Variants in CDHR2 observed in about 807,000 individuals in gnomAD.
The protein encoded by CDHR2 is cadherin related family member 2.
Under a neutral mutation model 138.6 loss-of-function variants are expected in CDHR2, and 104 were observed. That is an observed-to-expected ratio of 0.75 (90% confidence interval 0.64 to 0.88). CDHR2 has a LOEUF of 0.88. Among genes scored for constraint, CDHR2 ranks in the 40% least tolerant of loss-of-function variants. The pLI is 0.00. For missense variants in CDHR2, 1,624 were observed against 1,727.6 expected, an observed-to-expected ratio of 0.94 and a Z score of 1.06; for synonymous variants, 755 against 742.8, an observed-to-expected ratio of 1.02 and a Z score of -0.27.
intron 15 of CDHR2, 115 bp downstream of exon 15, chr5:176,578,210 C>T: frequency 8.1e-7 from 1 of 1,239,154 alleles, no homozygotes; most frequent in African/African-American, 1.5e-5. Flanking sequence ...AGTTACATTT[C>T]AATTTCAGAT....
At chr5:176,581,293 G>C in intron 16 of CDHR2, 50 bp from the exon 17 acceptor site, 3 of 1,602,830 alleles carry the variant, frequency 1.9e-6, no homozygotes, top group South Asian at 1.1e-5. Flanking sequence ...GGAGGGGCTG[G>C]GGGCTGGGAA....
chr5:176,590,677 G>A lies in CDHR2; in HGVS notation c.3529G>A (p.Val1177Met). 6.2e-7 allele frequency: 1 copy of A among 1,613,406 alleles called. No individual in the cohort carries two copies. The highest frequency in any genetic ancestry group is 8.5e-7 in the Non-Finnish European group (1 of 1,180,016). ...LVIMTMAFVC[V>M]RKSYNRKLQA... ...GATCATGACCATGGCCTTCGTGTGT[G>A]TGCGGAAGAGGTGCGGCTCCCATTG... Residue 1177 changes from valine to methionine, a missense_variant, in exon 28 of 32, where the codon GTG becomes ATG. Coordinates refer to ENST00000261944, the MANE Select transcript of CDHR2 (RefSeq NM_017675.6).
chr5:176,551,671 G>A (rs1757707152), intron 1 of CDHR2, among the ~76,000 whole-genome samples: 1 of 148,440 alleles, frequency 6.7e-6, no homozygotes, highest in South Asian at 2.1e-4. Context: ...GTATTGGCCT[G>A]GACTGCCACC....
Position 176,567,951 on chromosome 5 carries a change from A to G in CDHR2, c.125-727A>G, listed in dbSNP as rs146263831. 5.3e-3 allele frequency among the ~76,000 whole-genome samples: 811 copies of G among 152,264 alleles called. 12 individuals carry two copies. Among genetic ancestry groups the G allele is most frequent in the African/African-American group, 0.019 (781 of 41,536 alleles). The stretch of plus-strand genomic sequence containing the variant: ...GCCTTCTGCTTTTAAAAGAAATGCA[A>G]CTTTCTTGTGGGCCACGAAAGTATC... On this transcript the variant is annotated intron_variant, in intron 3 of 31. Coordinates refer to ENST00000261944, the MANE Select transcript of CDHR2 (RefSeq NM_017675.6).
upstream of CDHR2, among the ~76,000 whole-genome samples, chr5:176,546,119 G>C (rs1361977918): frequency 6.6e-6 from 1 of 152,196 alleles, no homozygotes; most frequent in Non-Finnish European, 1.5e-5. Flanking sequence ...CTTGGGTGGG[G>C]TCACCTGCCT....
In CDHR2 at chr5:176,577,491, T is replaced by G; in HGVS notation, c.1287T>G (p.Val429=). 1 of 1,612,066 alleles carries G rather than the reference T, an allele frequency of 6.2e-7. No individual in the cohort carries two copies. Among genetic ancestry groups the G allele is most frequent in the Non-Finnish European group, 8.5e-7 (1 of 1,179,404 alleles). The change falls in exon 13 of 32, where the codon GTT becomes GTG. Residue 429 remains valine, a synonymous_variant. Transcript: ENST00000261944. ...SPERAVGSAS[V]QVLVRVSALV... is the part of the protein sequence containing the mutation. ...AGCGGGCAGTGGGCTCAGCCTCCGT[T>G]CAGGTGCTGGTGAGAGTATCCGCGC...
At position 176,576,225 on chromosome 5, in the gene CDHR2, G is replaced by T. The variant is rs772175405; in HGVS notation, c.1194+40G>T. On this transcript the variant is annotated intron_variant, in intron 12 of 31. Transcript: ENST00000261944. The surrounding 1 kb of genome is among the most constrained non-coding windows in gnomAD (Gnocchi z 4.5). ...GTGGGTGTGGGCGGGGGTGGCTGGG[G>T]GAGGCCAGTGGGAGCCTGGATCGAG... 1 of 1,468,120 alleles carries T rather than the reference G, an allele frequency of 6.8e-7. No individual in the cohort carries two copies. 90.9% of individuals were successfully genotyped at this position (1,468,120 alleles called of 1,614,324 possible). A position where few individuals can be genotyped will look rare whatever the true frequency, so the allele number is the denominator to read the frequency against.
chr5:176,569,795 A>G (rs1758181232), intron 5 of CDHR2, among the ~76,000 whole-genome samples: 6 of 151,984 alleles, frequency 3.9e-5, no homozygotes. Context: ...CCCCATCTCT[A>G]CTAAAAATAC....
Position 176,589,119 on chromosome 5 carries a change from C to G in CDHR2, c.2945C>G (p.Pro982Arg). 6.2e-7 allele frequency: 1 copy of G among 1,614,160 alleles called. No homozygotes were observed. Among genetic ancestry groups the G allele is most frequent in the Non-Finnish European group, 8.5e-7 (1 of 1,180,018 alleles). The change falls in exon 22 of 32, where the codon CCT becomes CGT. Residue 982 changes from proline (P) to arginine (R), a missense_variant. Pro to Arg is a moderately radical substitution (Grantham distance 103). Coordinates refer to ENST00000261944, the MANE Select transcript of CDHR2 (RefSeq NM_017675.6). ...DFISKDGATI[P>R]FQGVFSIFTS... ...ATCTCTAAGGACGGGGCCACCATCC[C>G]TTTCCAGGGTGTCTTCTCGATCTTC...
exon 1 of CDHR2, chr5:176,542,710 G>A (rs1757478654): frequency 6.6e-6 from 1 of 152,252 alleles, no homozygotes; most frequent in Non-Finnish European, 1.5e-5. Context: ...GAAGCTGTGT[G>A]ACCTTGGGCA....
rs750815475 is a variant in CDHR2 at position 176,565,711 on chromosome 5, C to T, written c.92C>T (p.Thr31Met). 7.4e-6 allele frequency: 12 copies of T among 1,613,980 alleles called. No homozygotes were observed. Among genetic ancestry groups the T allele is most frequent in the East Asian group, 4.5e-5 (2 of 44,864 alleles). The change falls in exon 3 of 32, where the codon ACG becomes ATG. Residue 31 changes from threonine to methionine, a missense_variant. By Grantham distance (81) the Thr-to-Met change is moderately conservative. Coordinates refer to ENST00000261944, the MANE Select transcript of CDHR2 (RefSeq NM_017675.6). ...GCCCCGAAGTTCCTAGCCAACATGA[C>T]GTCAGTGATCCTGCCTGAGGACCTG... Reference protein sequence around the residue: ...NVAPKFLANMTSVILPEDLPV... With the variant: ...NVAPKFLANMMSVILPEDLPV...
chr5:176,551,884 T>TGG (rs35127166), intron 1 of CDHR2, among the ~76,000 whole-genome samples: 20,103 of 147,794 alleles, frequency 0.14, 1,966 homozygotes, highest in African/African-American at 0.27. Context: ...TTTTTTTTTT[T>TGG]GGGGAACTTT....
chr5:176,592,274 A>T (rs1406202861), intron 30 of CDHR2, among the ~76,000 whole-genome samples: 3 of 92,250 alleles, frequency 3.3e-5, no homozygotes, highest in African/African-American at 1.3e-4. Context: ...TGAGGTGATG[A>T]TGGTGGTGAT....
intron 1 of CDHR2, among the ~76,000 whole-genome samples, chr5:176,565,011 G>A (rs1758048172): frequency 6.6e-6 from 1 of 152,194 alleles, no homozygotes; most frequent in South Asian, 2.1e-4. Flanking sequence ...CCTCAGGCAA[G>A]CCCCTTCGTA....
intron 3 of CDHR2, among the ~76,000 whole-genome samples, chr5:176,567,374 T>G (rs2113281984): frequency 6.6e-6 from 1 of 152,296 alleles, no homozygotes; most frequent in East Asian, 1.9e-4. Context: ...TTTGCTACAT[T>G]GCTGAGGCTG....
chr5:176,594,431 G>A (rs565208462), intron 31 of CDHR2, among the ~76,000 whole-genome samples: 2 of 152,292 alleles, frequency 1.3e-5, no homozygotes, highest in East Asian at 1.9e-4. Context: ...TGTGTGGTAG[G>A]TGTGAGTGGC....
At chr5:176,565,598 T>C in intron 2 of CDHR2, 74 bp from the exon 3 acceptor site, 1 of 1,405,788 alleles carries the variant, frequency 7.1e-7, no homozygotes, top group Non-Finnish European at 1.0e-6. Context: ...GACTAGTGTG[T>C]GCTCCCAGGG....
intron 31 of CDHR2, 102 bp from the exon 32 acceptor site, chr5:176,595,430 G>C: frequency 7.5e-7 from 1 of 1,333,182 alleles, no homozygotes; most frequent in South Asian, 1.6e-5. Flanking sequence ...CCCTGCCAAG[G>C]AACCACTGGT....
chr5:176,583,969 G>A (rs751095682), intron 17 of CDHR2, among the ~76,000 whole-genome samples: 6 of 152,188 alleles, frequency 3.9e-5, no homozygotes, highest in Non-Finnish European at 7.3e-5. Flanking sequence ...GAGGATGGAT[G>A]TGTAAGGCCA....
Sources: gnomAD v4.1 joint callset for allele counts (sites outside exome capture counted in the v4.1 genomes callset) on GRCh38, gnomAD v4.1.1 for gene constraint, Gnocchi (gnomAD v3.1) non-coding constraint, MANE v1.5 for transcripts, NCBI Gene and HGNC (gene_info 2026-07-23, HGNC 2026-07-21) for gene names.